The following ADD3 variants were observed in gnomAD, a reference collection of about 807,000 sequenced individuals.
ADD3 encodes the protein adducin 3.
In ADD3, 25 loss-of-function variants were observed where a neutral mutation model predicts 80.2. The observed-to-expected ratio is 0.31, with a 90% CI of 0.23 to 0.44. The LOEUF (loss-of-function observed/expected upper bound fraction) is 0.44, where lower values mean the gene tolerates loss of function less well. Among genes scored for constraint, ADD3 ranks in the 20% least tolerant of loss-of-function variants. The pLI is 1.00. For missense variants in ADD3, 829 were observed against 847.5 expected (o/e 0.98, Z 0.27); for synonymous variants, 284 against 289.6 (o/e 0.98, Z 0.20).
intron 1 of ADD3, among the ~76,000 whole-genome samples, chr10:110,000,147 T>C (rs1564821986): frequency 6.6e-6 from 1 of 152,216 alleles, no homozygotes; most frequent in Non-Finnish European, 1.5e-5. Context: ...CTTGAACTCC[T>C]GACCTCAGGT....
At position 110,133,630 on chromosome 10, in the gene ADD3, T is replaced by C; in HGVS notation, c.*12T>C. The stretch of plus-strand genomic sequence containing the variant: ...AAGTTGAGGCCTAAATAAAGTCTTT[T>C]TATAATTATTATTATAACAATGTGA... On this transcript the variant is annotated 3_prime_UTR_variant, in exon 15 of 15. Coordinates refer to ENST00000356080, the MANE Select transcript of ADD3 (RefSeq NM_016824.5). 6.5e-7 allele frequency: 1 copy of C among 1,537,182 alleles called. No homozygotes were observed.
rs761931587 is a variant in ADD3 at position 110,100,772 on chromosome 10, A to C, written c.119A>C (p.Asn40Thr). The part of the protein sequence containing the change: ...ENDPEYIRER[N>T]MSPDLRQDFN... ...GACCCAGAATACATTAGGGAGAGGAACATGTCTCCTGATCTACGACAAGAC... is the reference window on the plus strand; with the variant it reads ...GACCCAGAATACATTAGGGAGAGGACCATGTCTCCTGATCTACGACAAGAC... The change falls in exon 2 of 15, where the codon AAC becomes ACC. Residue 40 changes from asparagine (N) to threonine (T), a missense_variant. Asn to Thr is a moderately conservative substitution (Grantham distance 65). Coordinates refer to ENST00000356080, the MANE Select transcript of ADD3 (RefSeq NM_016824.5). The C allele has an allele frequency of 1.5e-5, 25 of 1,613,874 alleles. No homozygotes were observed. Among genetic ancestry groups the C allele is most frequent in the Admixed American group, 1.3e-4 (8 of 59,982 alleles).
At chr10:110,031,135 G>T (rs184160328) in intron 1 of ADD3, among the ~76,000 whole-genome samples, 1 of 152,196 alleles carries the variant, frequency 6.6e-6, no homozygotes, top group East Asian at 1.9e-4. Flanking sequence ...TTAGCTGGGC[G>T]TTGTGGCGCA....
At chr10:110,041,928 A>G (rs1856412751) in intron 1 of ADD3, among the ~76,000 whole-genome samples, 1 of 152,198 alleles carries the variant, frequency 6.6e-6, no homozygotes, top group Non-Finnish European at 1.5e-5. Flanking sequence ...TCCCCCCAAA[A>G]AATATGTGGA....
Position 110,029,749 on chromosome 10 carries a change from A to G in ADD3, c.-30+21450A>G, listed in dbSNP as rs545409035. ...TTTTTGAATTGCAAAAAAGCAAACC[A>G]TATGACAAGACTTTTCTTACCTGAT... is the stretch of plus-strand genomic sequence containing the variant. On this transcript the variant is annotated intron_variant, in intron 1 of 14. Coordinates refer to ENST00000356080, the MANE Select transcript of ADD3 (RefSeq NM_016824.5). Among the ~76,000 whole-genome samples, 6 of 152,364 alleles carry G rather than the reference A, an allele frequency of 3.9e-5. No homozygotes were observed. The East Asian group carries it at 7.7e-4, about 20-fold the overall frequency.
intron 1 of ADD3, among the ~76,000 whole-genome samples, chr10:110,084,755 T>G (rs1846498304): frequency 6.6e-6 from 1 of 152,216 alleles, no homozygotes; most frequent in Admixed American, 6.5e-5. Context: ...ACTCCTCTTG[T>G]TGGAAGAGTT....
At chr10:110,031,052 G>T (rs372830562) in intron 1 of ADD3, among the ~76,000 whole-genome samples, 2 of 152,290 alleles carry the variant, frequency 1.3e-5, no homozygotes, top group African/African-American at 2.4e-5. Context: ...GAGGCAGGTG[G>T]ATCACCTGAG....
chr10:110,059,427 G>A (rs1051600010), intron 1 of ADD3, among the ~76,000 whole-genome samples: 14 of 152,046 alleles, frequency 9.2e-5, no homozygotes, highest in Non-Finnish European at 1.8e-4. Context: ...AGCTGAGTGC[G>A]CGCTGCTGCA....
At chr10:110,086,501 G>A (rs1438401117) in intron 1 of ADD3, among the ~76,000 whole-genome samples, 2 of 152,198 alleles carry the variant, frequency 1.3e-5, no homozygotes, top group African/African-American at 4.8e-5. Context: ...AGTATTGGAG[G>A]TGGGGTCTGG....
At chr10:110,019,992 G>A (rs897598167) in intron 1 of ADD3, among the ~76,000 whole-genome samples, 2 of 152,172 alleles carry the variant, frequency 1.3e-5, no homozygotes, top group Admixed American at 1.3e-4. Context: ...TCCAAAATAC[G>A]TGAAATGAGC....
intron 1 of ADD3, among the ~76,000 whole-genome samples, chr10:110,017,322 A>G (rs1228714108): frequency 6.6e-6 from 1 of 152,230 alleles, no homozygotes; most frequent in African/African-American, 2.4e-5. Context: ...AAGTGGTAAC[A>G]TGGGTAAATA....
rs1048486574 is a variant in ADD3 at position 110,025,690 on chromosome 10, T to C, written c.-30+17391T>C. On this transcript the variant is annotated intron_variant, in intron 1 of 14. Transcript: ENST00000356080. ...AGGAAGTTCCGTGTTTAAGGCAACA[T>C]GTTGCTTGTGGCAGATCTAGACTCA... Among the ~76,000 whole-genome samples, 3 of 152,192 alleles carry C rather than the reference T, an allele frequency of 2.0e-5. No homozygotes were observed. In the East Asian group the frequency reaches 5.8e-4, roughly 29 times the overall value.
rs570377277 is a variant in ADD3 at position 110,045,690 on chromosome 10, C to A, written c.-30+37391C>A. Among the ~76,000 whole-genome samples, 127 of 152,262 alleles carry A rather than the reference C, an allele frequency of 8.3e-4. 1 individual carries two copies. The highest frequency in any genetic ancestry group is 1.9e-3 in the South Asian group (9 of 4,824). ...ATCATTTACCACCATAAAATATACA[C>A]ATATCTATTATAAAAAGTTAAAATT... On this transcript the variant is annotated intron_variant, in intron 1 of 14. Coordinates refer to ENST00000356080, the MANE Select transcript of ADD3 (RefSeq NM_016824.5).
At chr10:110,084,034 A>G (rs923667456) in intron 1 of ADD3, among the ~76,000 whole-genome samples, 11 of 152,208 alleles carry the variant, frequency 7.2e-5, no homozygotes, top group South Asian at 4.1e-4. Flanking sequence ...AATAGACACT[A>G]TAGAACTAAG....
chr10:110,124,955 G>A (rs567440555), intron 10 of ADD3, among the ~76,000 whole-genome samples: 9 of 152,234 alleles, frequency 5.9e-5, no homozygotes, highest in African/African-American at 1.7e-4. Flanking sequence ...ATCAGCTATC[G>A]TTAGTGTTGG....
rs549570315 is a variant in ADD3, at chr10:110,124,542, G to T, written c.1401+268G>T. 8.0e-4 allele frequency among the ~76,000 whole-genome samples: 121 copies of T among 152,166 alleles called. 1 individual carries two copies. Among genetic ancestry groups the T allele is most frequent in the African/African-American group, 2.8e-3 (117 of 41,526 alleles). ...AAGGGTTAATTAATCATGTTTTAAT[G>T]GTAAACTCGGGATTTGCATGAAGAC... On this transcript the variant is annotated intron_variant, in intron 10 of 14. Coordinates refer to ENST00000356080, the MANE Select transcript of ADD3 (RefSeq NM_016824.5).
intron 1 of ADD3, among the ~76,000 whole-genome samples, chr10:110,065,174 CT>C (rs1843746279): frequency 6.6e-6 from 1 of 152,094 alleles, no homozygotes; most frequent in South Asian, 2.1e-4. Flanking sequence ...GTTCATAAAA[CT>C]TTTTAGTGAG....
chr10:110,092,924 A>G (rs1048655484), intron 1 of ADD3, among the ~76,000 whole-genome samples: 15 of 152,094 alleles, frequency 9.9e-5, no homozygotes, highest in Admixed American at 5.2e-4. Context: ...CAGTGGTGCA[A>G]TCTTGGCTTA....
At chr10:110,129,713 G>A (rs573977972) in intron 12 of ADD3, among the ~76,000 whole-genome samples, 1 of 152,160 alleles carries the variant, frequency 6.6e-6, no homozygotes, top group South Asian at 2.1e-4. Flanking sequence ...AACTTTCTCA[G>A]CTCTGCTACC....
Sources: gnomAD v4.1 joint callset for allele counts (sites outside exome capture counted in the v4.1 genomes callset) on GRCh38, gnomAD v4.1.1 for gene constraint, MANE v1.5 for transcripts, NCBI Gene and HGNC (gene_info 2026-07-23, HGNC 2026-07-21) for gene names.